NLRP8: variants seen among roughly 807,000 people sequenced by gnomAD.
NLRP8 encodes NLR family pyrin domain containing 8, also known as NACHT, LRR and PYD domains-containing protein 8.
Under a neutral mutation model 88.7 loss-of-function variants are expected in NLRP8, and 86 were observed. The ratio of observed to expected loss-of-function variants is 0.97; its 90% confidence interval spans 0.81 to 1.16. The LOEUF is 1.16. NLRP8 is among the 50% of genes most tolerant of loss of function. The pLI is 0.00. For synonymous variants in NLRP8, 504 were observed against 494.6 expected, an observed-to-expected ratio of 1.02 and a Z score of -0.25; for missense variants, 1,342 against 1,286.5, an observed-to-expected ratio of 1.04 and a Z score of -0.66.
intron 6 of NLRP8, among the ~76,000 whole-genome samples, chr19:55,971,641 G>C (rs1189463942): frequency 3.6e-5 from 5 of 139,862 alleles, no homozygotes; most frequent in Non-Finnish European, 7.5e-5. Flanking sequence ...TCTAATTGTT[G>C]GCTACACACA....
chr19:55,980,720 G>A (rs1980537087), intron 9 of NLRP8, among the ~76,000 whole-genome samples: 1 of 152,160 alleles, frequency 6.6e-6, no homozygotes, highest in Non-Finnish European at 1.5e-5. Context: ...TCAAAACAGA[G>A]CCACAGTCTT....
chr19:55,976,896 C>T (rs894233727), intron 8 of NLRP8, among the ~76,000 whole-genome samples: 3 of 150,186 alleles, frequency 2.0e-5, no homozygotes, highest in Admixed American at 1.3e-4. Flanking sequence ...CTGGCTAACA[C>T]GGTGAAACCA....
chr19:55,958,917 C>T (rs1233592430), intron 3 of NLRP8, among the ~76,000 whole-genome samples: 2 of 151,770 alleles, frequency 1.3e-5, no homozygotes, highest in South Asian at 2.1e-4. Flanking sequence ...CTCATTCTGT[C>T]GCCCAAGCTG....
intron 1 of NLRP8, 94 bp from the exon 2 acceptor site, chr19:55,952,444 G>T: frequency 1.1e-6 from 1 of 938,764 alleles, no homozygotes; most frequent in Non-Finnish European, 1.7e-6. Context: ...CCATGTGGCT[G>T]CTTCTGTCCT....
rs903444920 is a variant in NLRP8, at chr19:55,971,457, A to C, written c.2534+761A>C. 3.8e-4 allele frequency among the ~76,000 whole-genome samples: 58 copies of C among 151,754 alleles called. No individual in the cohort carries two copies. The South Asian group carries it at 0.012, about 32-fold the overall frequency. On this transcript the variant is annotated intron_variant, in intron 6 of 9. Coordinates refer to ENST00000291971, the MANE Select transcript of NLRP8 (RefSeq NM_176811.2). The stretch of plus-strand genomic sequence containing the variant: ...CTCGTCTCAAAAAAAAAAAAAAAAA[A>C]AAGGATTTTACATAAAAGTATCACC...
chr19:55,962,399 A>C (rs757399417), intron 4 of NLRP8, among the ~76,000 whole-genome samples, 162 bp downstream of exon 4: 45 of 152,340 alleles, frequency 3.0e-4, no homozygotes, highest in Middle Eastern at 3.4e-3. Flanking sequence ...TGCGTGGTGA[A>C]GGAAACCACA....
rs757824925 is a variant in NLRP8 at position 55,987,874 on chromosome 19, C to T, written c.3108C>T (p.Phe1036=). 2.5e-6 allele frequency: 4 copies of T among 1,613,982 alleles called. No individual in the cohort carries two copies. In the African/African-American group the frequency reaches 5.3e-5, roughly 22 times the overall value. Residue 1036 remains phenylalanine (F), a synonymous_variant, in exon 10 of 10, where the codon TTC becomes TTT. Transcript: ENST00000291971. ...CCCCAACTCCTCACCCACCCGACTT[C>T]ACGGGAAAAAGTGACTGCCTATCCC... is the stretch of plus-strand genomic sequence containing the variant.
chr19:55,955,565 T>TGC lies in NLRP8; in HGVS notation c.1507_1508insGC (p.Tyr503CysfsTer7). ...GAGAATTGCAGGTGAGGAAGACCAC[T>TGC]ATGTCTTTACCCTCGTGACTTTTCA... On this transcript the variant is annotated frameshift_variant, in exon 3 of 10. Coordinates refer to ENST00000291971, the MANE Select transcript of NLRP8 (RefSeq NM_176811.2). LOFTEE classifies it high-confidence loss of function. 6.2e-7 allele frequency: 1 copy of TGC among 1,614,180 alleles called. No homozygotes were observed. The highest frequency in any genetic ancestry group is 8.5e-7 in the Non-Finnish European group (1 of 1,180,034).
intron 4 of NLRP8, among the ~76,000 whole-genome samples, chr19:55,964,459 A>T (rs1234669037): frequency 6.6e-6 from 1 of 152,154 alleles, no homozygotes; most frequent in Non-Finnish European, 1.5e-5. Flanking sequence ...CTGAATGTAG[A>T]AGAAATAGCC....
chr19:55,968,635 G>A (rs1979945647), intron 5 of NLRP8, among the ~76,000 whole-genome samples: 1 of 151,716 alleles, frequency 6.6e-6, no homozygotes, highest in African/African-American at 2.4e-5. Context: ...AGCTACTCAG[G>A]AGGCTAAGGC....
Position 55,948,167 on chromosome 19 carries a change from A to G in NLRP8, c.265A>G (p.Ile89Val), listed in dbSNP as rs1196926547. Residue 89 changes from isoleucine (I) to valine (V), a missense_variant, in exon 1 of 10, where the codon ATA becomes GTA. Physicochemically the swap from Ile to Val is conservative, Grantham distance 29. Coordinates refer to ENST00000291971, the MANE Select transcript of NLRP8 (RefSeq NM_176811.2). ...CTGGGCAGAGGTGGTTCATCTCTTGATAGAGCGTTTCCCTGGACGACGCGC... is the reference window on the plus strand; with the variant it reads ...CTGGGCAGAGGTGGTTCATCTCTTGGTAGAGCGTTTCCCTGGACGACGCGC... The G allele has an allele frequency of 2.5e-6, 4 of 1,614,010 alleles. No individual in the cohort carries two copies. Among genetic ancestry groups the G allele is most frequent in the Admixed American group, 3.3e-5 (2 of 59,974 alleles).
chr19:55,981,808 A>T (rs1305644447), intron 9 of NLRP8, among the ~76,000 whole-genome samples: 1 of 151,942 alleles, frequency 6.6e-6, no homozygotes, highest in African/African-American at 2.4e-5. Context: ...AAACTCAAAG[A>T]TCTAGAAAGC....
chr19:55,963,963 G>A lies in NLRP8; in HGVS notation c.2213+1726G>A, dbSNP rs142444688. ...TCTTAAAACTCATCCCAAGCAGTAG[G>A]TGTCCCTATTTCACAGATGAGAAAC... On this transcript the variant is annotated intron_variant, in intron 4 of 9. Coordinates refer to ENST00000291971, the MANE Select transcript of NLRP8 (RefSeq NM_176811.2). Among the ~76,000 whole-genome samples, 3 of 152,226 alleles carry A rather than the reference G, an allele frequency of 2.0e-5. No homozygotes were observed. In the East Asian group the frequency reaches 5.8e-4, roughly 29 times the overall value.
intron 4 of NLRP8, among the ~76,000 whole-genome samples, chr19:55,963,155 A>G (rs952540222): frequency 3.3e-5 from 5 of 152,164 alleles, no homozygotes; most frequent in African/African-American, 1.2e-4. Context: ...CTGGGACTAC[A>G]GGAATGCACC....
At chr19:55,969,642 G>A (rs751177784) in intron 5 of NLRP8, among the ~76,000 whole-genome samples, 7 of 150,418 alleles carry the variant, frequency 4.7e-5, no homozygotes, top group Non-Finnish European at 7.4e-5. Flanking sequence ...TTGCTGGATC[G>A]AATGGTAGTT....
At chr19:55,986,101 T>C (rs949482369) in intron 9 of NLRP8, among the ~76,000 whole-genome samples, 1 of 152,094 alleles carries the variant, frequency 6.6e-6, no homozygotes, top group Non-Finnish European at 1.5e-5. Flanking sequence ...CACAAAAAAA[T>C]AAGTATTCAA....
intron 9 of NLRP8, among the ~76,000 whole-genome samples, chr19:55,983,463 C>CAAAAA (rs3974175): frequency 8.2e-5 from 7 of 85,326 alleles, no homozygotes; most frequent in African/African-American, 2.0e-4. Context: ...GACTCCATCT[C>CAAAAA]AAAAAAAAAA....
At position 55,952,595 on chromosome 19, in the gene NLRP8, T is replaced by C. The variant is rs1979145227; in HGVS notation, c.425T>C (p.Leu142Pro). 2.5e-6 allele frequency: 4 copies of C among 1,613,878 alleles called. No homozygotes were observed. Among genetic ancestry groups the C allele is most frequent in the Non-Finnish European group, 3.4e-6 (4 of 1,179,874 alleles). ...AATGTGGGAGAAACACAGGTGAATC[T>C]GGAGGAAGGAGAATCTGGTATGTGC... Residue 142 changes from leucine (L) to proline (P), a missense_variant, in exon 2 of 10, where the codon CTG (leucine) becomes CCG (proline). Physicochemically the swap from Leu to Pro is moderately conservative, Grantham distance 98. Coordinates refer to ENST00000291971, the MANE Select transcript of NLRP8 (RefSeq NM_176811.2).
Position 55,976,849 on chromosome 19 carries a change from G to C in NLRP8, c.2876+546G>C, listed in dbSNP as rs562079481. ...AATCCCAGCACTTTGGGAGGCTGAG[G>C]TGGGGCGGATCATGAGATCAGGAGA... On this transcript the variant is annotated intron_variant, in intron 8 of 9. Coordinates refer to ENST00000291971, the MANE Select transcript of NLRP8 (RefSeq NM_176811.2). 2.8e-5 allele frequency among the ~76,000 whole-genome samples: 4 copies of C among 144,476 alleles called. No individual in the cohort carries two copies. In the East Asian group the frequency reaches 6.0e-4, roughly 22 times the overall value. 94.8% of individuals were successfully genotyped at this position (144,476 alleles called of 152,430 possible). A position where few individuals can be genotyped will look rare whatever the true frequency, so the allele number is the denominator to read the frequency against.
Sources: gnomAD v4.1 joint callset for allele counts (sites outside exome capture counted in the v4.1 genomes callset) on GRCh38, gnomAD v4.1.1 for gene constraint, MANE v1.5 for transcripts, NCBI Gene and HGNC (gene_info 2026-07-23, HGNC 2026-07-21) for gene names.